The following NFATC1 variants were observed in gnomAD, a reference collection of about 807,000 sequenced individuals.
NFATC1 encodes nuclear factor of activated T-cells, cytoplasmic 1.
NFATC1 carries 22 observed loss-of-function variants against 76.0 expected under a neutral mutation model. That is an observed-to-expected ratio of 0.29 (90% CI 0.21 to 0.41). The LOEUF is 0.41. Among genes scored for constraint, NFATC1 ranks in the 10% least tolerant of loss-of-function variants. The pLI, the probability that NFATC1 is intolerant of heterozygous loss-of-function variation, is 1.00. For synonymous variants in NFATC1, 704 were observed against 613.1 expected, an observed-to-expected ratio of 1.15 and a Z score of -2.19; for missense variants, 1,357 against 1,337.7, an observed-to-expected ratio of 1.01 and a Z score of -0.23.
At chr18:79,512,988 G>T (rs2090294712) in intron 9 of NFATC1, among the ~76,000 whole-genome samples, 1 of 152,260 alleles carries the variant, frequency 6.6e-6, no homozygotes, top group African/African-American at 2.4e-5. Flanking sequence ...GTGCCTATAA[G>T]ATGGGAGAGG....
rs577654947 is a variant in NFATC1, at chr18:79,492,357, G to A, written c.2782+5420G>A. ...GTGGGTGGATCACCTGAGGTCAGGA[G>A]TTCAAGACCAGCCTGGTCAACATGG... On this transcript the variant is annotated intron_variant, in intron 9 of 9. Coordinates refer to ENST00000427363, the MANE Select transcript of NFATC1 (RefSeq NM_001278669.2). 3.3e-5 allele frequency among the ~76,000 whole-genome samples: 5 copies of A among 152,300 alleles called. No individual in the cohort carries two copies. The South Asian group carries it at 1.0e-3, about 32-fold the overall frequency.
rs1555911903 is a variant in NFATC1 at position 79,464,648 on chromosome 18, T to TTCTGTGTGTGTG, written c.1960-2801_1960-2800insCTGTGTGTGTGT. ...TACATTATATTGTGGATATATGTGT[T>TTCTGTGTGTGTG]TGTGTGTGTGTGTGTGTGTGTGTAT... On this transcript the variant is annotated intron_variant, in intron 7 of 9. Coordinates refer to ENST00000427363, the MANE Select transcript of NFATC1 (RefSeq NM_001278669.2). 9.4e-3 allele frequency among the ~76,000 whole-genome samples: 1,239 copies of TTCTGTGTGTGTG among 131,524 alleles called. 28 individuals carry two copies. Among genetic ancestry groups the TTCTGTGTGTGTG allele is most frequent in the African/African-American group, 0.017 (568 of 32,762 alleles). The allele number at this position is 131,524 out of a possible 152,430, so 86.3% of individuals were successfully genotyped here. A position where few individuals can be genotyped will look rare whatever the true frequency, so the allele number is the denominator to read the frequency against.
At chr18:79,418,162 TG>T (rs1171996258) in intron 2 of NFATC1, among the ~76,000 whole-genome samples, 14 of 149,870 alleles carry the variant, frequency 9.3e-5, no homozygotes, top group African/African-American at 2.8e-4. Flanking sequence ...ATGGAGACTG[TG>T]GGGGTCGGGG....
Position 79,407,593 on chromosome 18 carries a change from G to A in NFATC1, c.128-2810G>A, listed in dbSNP as rs375390930. 1.5e-4 allele frequency among the ~76,000 whole-genome samples: 23 copies of A among 152,298 alleles called. No homozygotes were observed. The East Asian group carries it at 2.5e-3, about 17-fold the overall frequency. ...CTCCCAAGTAGCTGGGACTACAGGC[G>A]TGCGCCACCATGCCTGGCTACTTGT... On this transcript the variant is annotated intron_variant, in intron 1 of 9. Coordinates refer to ENST00000427363, the MANE Select transcript of NFATC1 (RefSeq NM_001278669.2).
At position 79,486,370 on chromosome 18, in the gene NFATC1, G is replaced by A. The variant is rs748548145; in HGVS notation, c.2215G>A (p.Asp739Asn). The A allele has an allele frequency of 9.3e-6, 15 of 1,612,816 alleles. No individual in the cohort carries two copies. Among genetic ancestry groups the A allele is most frequent in the South Asian group, 6.6e-5 (6 of 91,080 alleles). ...YYSQQLAMPP[D>N]PSSCLVAGFP... is the part of the protein sequence containing the mutation. The stretch of plus-strand genomic sequence containing the variant: ...CAGCCAGCAGCTCGCGATGCCACCC[G>A]ACCCCAGCTCCTGCCTCGTGGCCGG... Residue 739 changes from aspartate (D) to asparagine (N), a missense_variant, in exon 9 of 10, where the codon GAC becomes AAC. Around this residue, in one of 3 missense-constraint regions of NFATC1, gnomAD observed 424 missense variants for 395.4 expected, o/e 1.07. Transcript: ENST00000427363.
At chr18:79,467,721 G>A (rs1600830473) in intron 8 of NFATC1, 139 bp downstream of exon 8, 1 of 1,315,278 alleles carries the variant, frequency 7.6e-7, no homozygotes, top group East Asian at 3.1e-5. Flanking sequence ...GTGAGACCGA[G>A]CCATCGATGC....
At position 79,411,492 on chromosome 18, in the gene NFATC1, C is replaced by T. The variant is rs775324687; in HGVS notation, c.1217C>T (p.Ser406Phe). 8 of 1,500,370 alleles carry T rather than the reference C, an allele frequency of 5.3e-6. No individual in the cohort carries two copies. Among genetic ancestry groups the T allele is most frequent in the Admixed American group, 4.7e-5 (2 of 42,348 alleles). The allele number at this position is 1,500,370 out of a possible 1,614,324, so 92.9% of individuals were successfully genotyped here. A position where few individuals can be genotyped will look rare whatever the true frequency, so the allele number is the denominator to read the frequency against. The change falls in exon 2 of 10, where the codon TCC becomes TTC. Residue 406 changes from serine (S) to phenylalanine (F), a missense_variant. Transcript: ENST00000427363. ...AAGCCCAAGCCCCTGTCCCCTACGT[C>T]CTACATGAGGTGAGCCGGCAGCGCG... ...WAKPKPLSPTSYMSPTLPALD... is the reference protein window; with the variant it reads ...WAKPKPLSPTFYMSPTLPALD...
intron 3 of NFATC1, among the ~76,000 whole-genome samples, chr18:79,434,403 C>G (rs1457178714): frequency 6.6e-6 from 1 of 152,224 alleles, no homozygotes; most frequent in Non-Finnish European, 1.5e-5. Flanking sequence ...AATGACCGCG[C>G]CAGGGACGGG....
At chr18:79,476,394 G>A (rs948201643) in intron 8 of NFATC1, among the ~76,000 whole-genome samples, 9 of 152,270 alleles carry the variant, frequency 5.9e-5, no homozygotes, top group East Asian at 1.9e-4. Flanking sequence ...GGCGAAAGCC[G>A]ACCGATGTGT....
chr18:79,462,195 A>G (rs960618026), intron 7 of NFATC1, among the ~76,000 whole-genome samples: 1 of 151,964 alleles, frequency 6.6e-6, no homozygotes, highest in African/African-American at 2.4e-5. Context: ...CATCTCTCCC[A>G]TCCCTGCGCT....
At chr18:79,458,816 G>A (rs533922095) in intron 6 of NFATC1, among the ~76,000 whole-genome samples, 11 of 152,386 alleles carry the variant, frequency 7.2e-5, no homozygotes, top group African/African-American at 1.9e-4. Context: ...GCGGCCCTGC[G>A]TCTCCTTTCC....
intron 1 of NFATC1, among the ~76,000 whole-genome samples, chr18:79,404,654 T>C (rs2085373076): frequency 6.6e-6 from 1 of 152,248 alleles, no homozygotes; most frequent in South Asian, 2.1e-4. Context: ...TCGTCTGTGA[T>C]GGCCGCCTCT....
Position 79,492,901 on chromosome 18 carries a change from CTTT to C in NFATC1, c.2782+5987_2782+5989del, listed in dbSNP as rs10605674. Among the ~76,000 whole-genome samples, 359 of 87,228 alleles carry C rather than the reference CTTT, an allele frequency of 4.1e-3. 2 individuals carry two copies. The highest frequency in any genetic ancestry group is 0.015 in the African/African-American group (283 of 19,348). 57.2% of individuals were successfully genotyped at this position (87,228 alleles called of 152,430 possible). A position where few individuals can be genotyped will look rare whatever the true frequency, so the allele number is the denominator to read the frequency against. ...AAAAAAAAAAGAAAAATGAATCCAG[CTTT>C]TTTTTTTTTTTTTTTTTTTTTTAGG... On this transcript the variant is annotated intron_variant, in intron 9 of 9. Coordinates refer to ENST00000427363, the MANE Select transcript of NFATC1 (RefSeq NM_001278669.2).
chr18:79,520,355 G>A (rs987446341), intron 9 of NFATC1, among the ~76,000 whole-genome samples: 15 of 138,022 alleles, frequency 1.1e-4, no homozygotes, highest in African/African-American at 3.8e-4. Context: ...GACGTGTCCC[G>A]GTGGCTCTCA....
chr18:79,523,677 G>A (rs531388674), intron 9 of NFATC1, among the ~76,000 whole-genome samples: 1 of 152,344 alleles, frequency 6.6e-6, no homozygotes, highest in East Asian at 1.9e-4. Flanking sequence ...GTGGGTATGA[G>A]TGTGGGTGTG....
chr18:79,400,224 G>A (rs1472814940), intron 1 of NFATC1: 27 of 1,195,186 alleles, frequency 2.3e-5, no homozygotes, highest in Middle Eastern at 3.4e-4. Flanking sequence ...GCGGCCGCGA[G>A]CCGGTTGTTT....
In NFATC1 at chr18:79,418,678, G is replaced by A. The variant is rs539968395; in HGVS notation, c.1226+7177G>A. 2.5e-4 allele frequency among the ~76,000 whole-genome samples: 38 copies of A among 152,344 alleles called. No individual in the cohort carries two copies. The South Asian group carries it at 6.8e-3, about 27-fold the overall frequency. ...AGAAGATCATGCCTCCTGATTGCACGAGCACCCTGGTCTTGGCTCATTTGC... is the reference window on the plus strand; with the variant it reads ...AGAAGATCATGCCTCCTGATTGCACAAGCACCCTGGTCTTGGCTCATTTGC... On this transcript the variant is annotated intron_variant, in intron 2 of 9. Transcript: ENST00000427363.
At chr18:79,506,946 C>T (rs974288383) in intron 9 of NFATC1, among the ~76,000 whole-genome samples, 1 of 152,192 alleles carries the variant, frequency 6.6e-6, no homozygotes, top group African/African-American at 2.4e-5. Context: ...GAAAGTGTAT[C>T]CCCTTCCAAA....
At chr18:79,448,172 C>G (rs2087295865) in intron 3 of NFATC1, 1 of 155,640 alleles carries the variant, frequency 6.4e-6, no homozygotes, top group Admixed American at 6.1e-5. Flanking sequence ...CATGGTTGCC[C>G]TAGGCAGTGT....
Sources: gnomAD v4.1 joint callset for allele counts (sites outside exome capture counted in the v4.1 genomes callset) on GRCh38, gnomAD v4.1.1 for gene constraint, gnomAD v4.1.1 regional missense constraint, MANE v1.5 for transcripts, NCBI Gene and HGNC (gene_info 2026-07-23, HGNC 2026-07-21) for gene names.